The following CCND3 variants were observed in gnomAD, a reference collection of about 807,000 sequenced individuals.
CCND3 encodes G1/S-specific cyclin-D3.
In CCND3, 9 loss-of-function variants were observed where a neutral mutation model predicts 28.7. That is an observed-to-expected ratio of 0.31 (90% confidence interval 0.19 to 0.55). The LOEUF (loss-of-function observed/expected upper bound fraction) is 0.55. Ranked by LOEUF, CCND3 falls within the 20% of genes least tolerant of loss-of-function variation. CCND3 has a pLI of 0.93. For synonymous variants in CCND3, 164 were observed against 163.9 expected, an observed-to-expected ratio of 1.00 and a Z score of 0.00; for missense variants, 315 against 385.8, an observed-to-expected ratio of 0.82 and a Z score of 1.54.
intron 1 of CCND3, among the ~76,000 whole-genome samples, chr6:42,029,439 T>C (rs1341122946): frequency 1.3e-5 from 2 of 152,134 alleles, no homozygotes; most frequent in South Asian, 2.1e-4. Context: ...TGTGGGACAT[T>C]AGACGGCCTT....
chr6:42,044,495 C>T (rs899220773), intron 1 of CCND3, among the ~76,000 whole-genome samples: 2 of 152,200 alleles, frequency 1.3e-5, no homozygotes, highest in African/African-American at 4.8e-5. Flanking sequence ...CAGGGGTTTA[C>T]AGGCGAAGGG....
chr6:41,937,101 A>C, intron 3 of CCND3, 134 bp downstream of exon 3: 1 of 954,394 alleles, frequency 1.0e-6, no homozygotes, highest in East Asian at 2.5e-5. Flanking sequence ...TTCTGCATTG[A>C]GACTGGGGGC....
chr6:42,004,705 G>A (rs1449872332), intron 1 of CCND3, among the ~76,000 whole-genome samples: 3 of 152,008 alleles, frequency 2.0e-5, no homozygotes, highest in Non-Finnish European at 4.4e-5. Context: ...ACTCCTTCTT[G>A]GGCAACAGAG....
intron 1 of CCND3, among the ~76,000 whole-genome samples, chr6:41,984,591 A>C (rs540451839): frequency 1.3e-5 from 2 of 152,052 alleles, no homozygotes; most frequent in Admixed American, 6.6e-5. Context: ...CAGGTGATAC[A>C]CCTGCCTCGG....
chr6:41,979,543 A>AG (rs1318658659), intron 1 of CCND3, among the ~76,000 whole-genome samples: 1 of 150,518 alleles, frequency 6.6e-6, no homozygotes, highest in Non-Finnish European at 1.5e-5. Flanking sequence ...CAAAAAAAAA[A>AG]AAAAAAGAAA....
At chr6:41,988,990 C>T (rs1762574887) in intron 1 of CCND3, among the ~76,000 whole-genome samples, 1 of 151,956 alleles carries the variant, frequency 6.6e-6, no homozygotes, top group Admixed American at 6.6e-5. Context: ...TGAGCCACCT[C>T]GCCCGGCCGA....
At chr6:42,002,698 C>G (rs1003354649) in intron 1 of CCND3, among the ~76,000 whole-genome samples, 1 of 151,474 alleles carries the variant, frequency 6.6e-6, no homozygotes, top group Admixed American at 6.6e-5. Flanking sequence ...TAAAAAAATA[C>G]AAAAAATTAG....
chr6:42,029,219 G>A (rs1483543538), intron 1 of CCND3, among the ~76,000 whole-genome samples: 1 of 151,484 alleles, frequency 6.6e-6, no homozygotes, highest in East Asian at 1.9e-4. Flanking sequence ...TCGAGTTCCT[G>A]GCCTGAAGAG....
At chr6:41,974,323 A>G (rs1425283198) in intron 1 of CCND3, among the ~76,000 whole-genome samples, 2 of 152,216 alleles carry the variant, frequency 1.3e-5, no homozygotes, top group Admixed American at 6.6e-5. Flanking sequence ...AGAGTGCACC[A>G]TCTTGAAAAG....
intron 1 of CCND3, among the ~76,000 whole-genome samples, chr6:41,959,912 C>T (rs1252736923): frequency 6.7e-6 from 1 of 148,588 alleles, no homozygotes; most frequent in Non-Finnish European, 1.5e-5. Flanking sequence ...GCTGAGATCG[C>T]GACACTGCAC....
chr6:42,033,441 C>T lies in CCND3; in HGVS notation c.-46+15060G>A, dbSNP rs1283244983. The stretch of plus-strand genomic sequence containing the variant: ...CTCCAGCCTGTGTGACAAAGCGAGA[C>T]TCCATCTAAAAAAAAAATATATATA... On this transcript the variant is annotated intron_variant, in intron 1 of 4. Coordinates refer to the CCND3 transcript ENST00000372988. 6.3e-5 allele frequency among the ~76,000 whole-genome samples: 9 copies of T among 143,754 alleles called. No homozygotes were observed. In the South Asian group the frequency reaches 1.8e-3, roughly 29 times the overall value. The allele number at this position is 143,754 out of a possible 152,430, so 94.3% of individuals were successfully genotyped here.
chr6:42,021,113 A>T (rs1467430666), intron 1 of CCND3, among the ~76,000 whole-genome samples: 1 of 152,156 alleles, frequency 6.6e-6, no homozygotes, highest in Non-Finnish European at 1.5e-5. Context: ...ATTTTGAGAG[A>T]GAGAGAGAAA....
chr6:41,947,008 A>G (rs1307529244), intron 1 of CCND3, among the ~76,000 whole-genome samples: 1 of 152,158 alleles, frequency 6.6e-6, no homozygotes, highest in Non-Finnish European at 1.5e-5. Context: ...TCACGAGGTC[A>G]GGAGATCGAG....
At chr6:42,030,629 C>T (rs1764016531) in intron 1 of CCND3, among the ~76,000 whole-genome samples, 1 of 152,202 alleles carries the variant, frequency 6.6e-6, no homozygotes, top group African/African-American at 2.4e-5. Flanking sequence ...GCCTCGCCTT[C>T]CCCAGACTCA....
At chr6:41,980,833 A>G (rs936942093) in intron 1 of CCND3, among the ~76,000 whole-genome samples, 2 of 152,214 alleles carry the variant, frequency 1.3e-5, no homozygotes, top group African/African-American at 4.8e-5. Flanking sequence ...TCGAACATCC[A>G]TTCATGATAA....
chr6:42,046,801 C>T (rs1764558644), intron 1 of CCND3, among the ~76,000 whole-genome samples: 1 of 152,226 alleles, frequency 6.6e-6, no homozygotes, highest in Admixed American at 6.5e-5. Flanking sequence ...TACAGGACCA[C>T]AGACTCCCTT....
intron 1 of CCND3, among the ~76,000 whole-genome samples, chr6:42,023,188 G>A (rs1045318680): frequency 6.6e-6 from 1 of 152,226 alleles, no homozygotes; most frequent in African/African-American, 2.4e-5. Flanking sequence ...CTCTCGTAAT[G>A]TAAACAAGTG....
At position 41,941,707 on chromosome 6, in the gene CCND3, A is replaced by G. The variant is rs2127395530; in HGVS notation, c.-58T>C. 1 of 1,229,146 alleles carries G rather than the reference A, an allele frequency of 8.1e-7. No individual in the cohort carries two copies. The highest frequency in any genetic ancestry group is 3.2e-5 in the East Asian group (1 of 31,462). The allele number at this position is 1,229,146 out of a possible 1,614,324, so 76.1% of individuals were successfully genotyped here. ...GGGCTCGCGAGTCCCAAGGCAGGCG[A>G]CGGGCCGGAGAGCGCGGGGCGCGGG... On this transcript the variant is annotated 5_prime_UTR_variant, in exon 1 of 5. Coordinates refer to ENST00000372991, the MANE Select transcript of CCND3 (RefSeq NM_001760.5). The surrounding 1 kb of genome is among the most constrained non-coding windows in gnomAD (Gnocchi z 6.1).
chr6:41,994,044 T>C (rs1762729711), intron 1 of CCND3, among the ~76,000 whole-genome samples: 1 of 148,812 alleles, frequency 6.7e-6, no homozygotes, highest in Non-Finnish European at 1.5e-5. Flanking sequence ...AAAAGCTTCA[T>C]ACTAGATGAC....
Sources: gnomAD v4.1 joint callset for allele counts (sites outside exome capture counted in the v4.1 genomes callset) on GRCh38, gnomAD v4.1.1 for gene constraint, Gnocchi (gnomAD v3.1) non-coding constraint, MANE v1.5 for transcripts, NCBI Gene and HGNC (gene_info 2026-07-23, HGNC 2026-07-21) for gene names.